SLCO3A1: variants seen among roughly 807,000 people sequenced by gnomAD.
SLCO3A1 encodes the protein PGE1 transporter.
SLCO3A1 carries 27 observed loss-of-function variants against 63.1 expected under a neutral mutation model. That is an observed-to-expected ratio of 0.43 (90% CI 0.32 to 0.59). SLCO3A1 has a LOEUF of 0.59. SLCO3A1 is among the 20% of genes least tolerant of loss of function. The probability of loss-of-function intolerance (pLI) is 0.09; values close to 1 mark genes in which losing one functional copy is unlikely to be tolerated. For missense variants in SLCO3A1, 773 were observed against 945.8 expected, an observed-to-expected ratio of 0.82 and a Z score of 2.40; for synonymous variants, 473 against 409.9, an observed-to-expected ratio of 1.15 and a Z score of -1.86.
intron 7 of SLCO3A1, among the ~76,000 whole-genome samples, chr15:92,130,940 T>C (rs1179144182): frequency 7.1e-6 from 1 of 140,256 alleles, no homozygotes; most frequent in Non-Finnish European, 1.5e-5. Context: ...TTTCACCTCC[T>C]CCTTTTCACA....
intron 2 of SLCO3A1, among the ~76,000 whole-genome samples, chr15:92,087,035 T>C (rs1022143420): frequency 6.6e-6 from 1 of 151,998 alleles, no homozygotes; most frequent in Non-Finnish European, 1.5e-5. Flanking sequence ...GAAGGTACTT[T>C]ACTCTGTCAT....
intron 2 of SLCO3A1, among the ~76,000 whole-genome samples, chr15:92,039,738 T>C (rs2046773768): frequency 6.6e-6 from 1 of 152,146 alleles, no homozygotes; most frequent in African/African-American, 2.4e-5. Flanking sequence ...GGAATGTAAA[T>C]CATTCTACTA....
chr15:92,154,050 T>C (rs549712177), intron 9 of SLCO3A1, among the ~76,000 whole-genome samples: 43 of 152,286 alleles, frequency 2.8e-4, no homozygotes, highest in African/African-American at 1.0e-3. Flanking sequence ...CACTGTGTAT[T>C]TTAGAAAGGG....
At chr15:91,924,163 A>T (rs1416437147) in intron 2 of SLCO3A1, among the ~76,000 whole-genome samples, 2 of 152,182 alleles carry the variant, frequency 1.3e-5, no homozygotes, top group African/African-American at 4.8e-5. Flanking sequence ...CAGGGGTCAC[A>T]ATCTTAAGTG....
chr15:91,965,040 G>A (rs1848641019), intron 2 of SLCO3A1, among the ~76,000 whole-genome samples: 1 of 152,120 alleles, frequency 6.6e-6, no homozygotes, highest in African/African-American at 2.4e-5. Context: ...AGGTACTGGG[G>A]ACCTCAGCTC....
rs1026302246 is a variant in SLCO3A1 at position 91,882,607 on chromosome 15, C to T, written c.180+28519C>T. On this transcript the variant is annotated intron_variant, in intron 1 of 9. Transcript: ENST00000318445. The surrounding 1 kb of genome is among the most constrained non-coding windows in gnomAD (Gnocchi z 4.4). Reference sequence around the variant, plus strand: ...TCAGCTCACTGCAACCTCCGCCTCCCGGGTTCAAGCGATTCTCTTGCTTCA... The same window carrying T: ...TCAGCTCACTGCAACCTCCGCCTCCTGGGTTCAAGCGATTCTCTTGCTTCA... 6.6e-6 allele frequency among the ~76,000 whole-genome samples: 1 copy of T among 152,074 alleles called. No individual in the cohort carries two copies. The highest frequency in any genetic ancestry group is 1.5e-5 in the Non-Finnish European group (1 of 68,020).
chr15:92,002,922 G>A (rs924977992), intron 2 of SLCO3A1, among the ~76,000 whole-genome samples: 1 of 152,046 alleles, frequency 6.6e-6, no homozygotes, highest in Non-Finnish European at 1.5e-5. Flanking sequence ...GTATGATGCC[G>A]CCAATTAGTT....
intron 2 of SLCO3A1, among the ~76,000 whole-genome samples, chr15:92,072,208 T>C (rs1440266747): frequency 5.3e-5 from 8 of 150,742 alleles, no homozygotes; most frequent in African/African-American, 2.0e-4. Flanking sequence ...TTTGGTTTTT[T>C]TTTTTTTTCC....
At chr15:92,089,708 A>G (rs1227335241) in intron 2 of SLCO3A1, among the ~76,000 whole-genome samples, 1 of 152,148 alleles carries the variant, frequency 6.6e-6, no homozygotes, top group Non-Finnish European at 1.5e-5. Flanking sequence ...TGCTGAATTT[A>G]AAGATTATAT....
chr15:91,919,849 G>A (rs576424358), intron 2 of SLCO3A1, among the ~76,000 whole-genome samples: 9 of 151,788 alleles, frequency 5.9e-5, no homozygotes, highest in Admixed American at 3.3e-4. Flanking sequence ...CATGTTCACC[G>A]TTTACAATTT....
chr15:91,947,706 A>T (rs1342958355), intron 2 of SLCO3A1, among the ~76,000 whole-genome samples: 1 of 152,198 alleles, frequency 6.6e-6, no homozygotes, highest in East Asian at 1.9e-4. Context: ...TCCTGGAGCA[A>T]TAATAGCTGA....
At chr15:91,980,892 G>A (rs1411731696) in intron 2 of SLCO3A1, among the ~76,000 whole-genome samples, 1 of 152,200 alleles carries the variant, frequency 6.6e-6, no homozygotes, top group Non-Finnish European at 1.5e-5. Flanking sequence ...TGCTTCCCTT[G>A]GCCTTGGGTC....
chr15:92,006,021 C>T (rs1367087927), intron 2 of SLCO3A1, among the ~76,000 whole-genome samples: 1 of 152,118 alleles, frequency 6.6e-6, no homozygotes, highest in Non-Finnish European at 1.5e-5. Context: ...AATGCCACAC[C>T]AGGTGTGCTC....
intron 4 of SLCO3A1, among the ~76,000 whole-genome samples, chr15:92,106,249 A>G (rs77770779): frequency 1.4e-4 from 21 of 152,368 alleles, no homozygotes; most frequent in African/African-American, 4.3e-4. Context: ...GGAATCATCC[A>G]TAAAACTTAA....
At chr15:91,861,083 G>T (rs867644827) in intron 1 of SLCO3A1, among the ~76,000 whole-genome samples, 1 of 152,192 alleles carries the variant, frequency 6.6e-6, no homozygotes, top group Middle Eastern at 3.2e-3. Context: ...AGTGAATCAG[G>T]TGGCAGTGTA....
chr15:91,879,142 T>C (rs1897485391), intron 1 of SLCO3A1, among the ~76,000 whole-genome samples: 1 of 152,180 alleles, frequency 6.6e-6, no homozygotes, highest in Admixed American at 6.5e-5. Context: ...CCAAAGGCAA[T>C]AGAGTAATCG....
chr15:91,971,459 T>G (rs1900867713), intron 2 of SLCO3A1, among the ~76,000 whole-genome samples: 1 of 150,422 alleles, frequency 6.6e-6, no homozygotes. Context: ...ACAAGTATCC[T>G]TTTTGTTGTC....
chr15:91,867,038 T>A (rs913739859), intron 1 of SLCO3A1, among the ~76,000 whole-genome samples: 9 of 152,068 alleles, frequency 5.9e-5, no homozygotes, highest in African/African-American at 2.2e-4. Flanking sequence ...AAACCTGGGA[T>A]GGAGAAGGGG....
chr15:92,065,761 C>T (rs1270960854), intron 2 of SLCO3A1, among the ~76,000 whole-genome samples: 1 of 152,190 alleles, frequency 6.6e-6, no homozygotes, highest in Non-Finnish European at 1.5e-5. Context: ...AAAATTCACT[C>T]ATTTTACGTG....
Sources: allele counts gnomAD v4.1 joint callset (sites outside exome capture counted in the v4.1 genomes callset), GRCh38; gene constraint gnomAD v4.1.1; non-coding constraint Gnocchi (gnomAD v3.1); transcripts MANE v1.5; gene names NCBI Gene and HGNC (gene_info 2026-07-23, HGNC 2026-07-21).